Variants in ASXL2 observed in about 807,000 individuals in gnomAD.
ASXL2 encodes the protein ASXL transcriptional regulator 2, also known as putative Polycomb group protein ASXL2.
ASXL2 carries 23 observed loss-of-function variants against 122.0 expected under a neutral mutation model. That is an observed-to-expected ratio of 0.19 (90% CI 0.14 to 0.27). The LOEUF is 0.27. ASXL2 is among the 10% of genes least tolerant of loss of function. The pLI, the probability that ASXL2 is intolerant of heterozygous loss-of-function variation, is 1.00. For synonymous variants in ASXL2, 650 were observed against 637.0 expected (o/e 1.02, Z -0.31); for missense variants, 1,518 against 1,713.8 (o/e 0.89, Z 2.02).
intron 1 of ASXL2, among the ~76,000 whole-genome samples, chr2:25,874,383 G>A (rs1432162812): frequency 6.6e-6 from 1 of 152,148 alleles, no homozygotes; most frequent in African/African-American, 2.4e-5. Context: ...CAGCTACTTG[G>A]GAAGCTGAGC....
Position 25,735,314 on chromosome 2 carries a change from C to A in ASXL2, c.*6715G>T, listed in dbSNP as rs2087717362. Reference sequence around the variant, plus strand: ...TATTAGGAAAACTGAGGACACTCATCCTCCTGGTTCCTGGACAGAGACTAC... The same window carrying A: ...TATTAGGAAAACTGAGGACACTCATACTCCTGGTTCCTGGACAGAGACTAC... On this transcript the variant is annotated 3_prime_UTR_variant, in exon 13 of 13. Transcript: ENST00000435504. 6.6e-6 allele frequency: 1 copy of A among 152,220 alleles called. No individual in the cohort carries two copies. The highest frequency in any genetic ancestry group is 1.5e-5 in the Non-Finnish European group (1 of 68,036). The allele number at this position is 152,220 out of a possible 1,614,324, so 9.4% of individuals were successfully genotyped here. A position where few individuals can be genotyped will look rare whatever the true frequency, so the allele number is the denominator to read the frequency against.
chr2:25,743,139 G>C lies in ASXL2; in HGVS notation c.3198C>G (p.Ile1066Met), dbSNP rs2149136494. The C allele has an allele frequency of 6.2e-7, 1 of 1,614,004 alleles. No homozygotes were observed. Among genetic ancestry groups the C allele is most frequent in the East Asian group, 2.2e-5 (1 of 44,884 alleles). ...EGLSKATQDQ[I>M]LQTLIQRVRR... ...GAACCCTCTGAATGAGAGTCTGAAG[G>C]ATCTGATCTTGGGTTGCTTTACTTA... is the stretch of plus-strand genomic sequence containing the variant. Residue 1066 changes from isoleucine (I) to methionine (M), a missense_variant, in exon 13 of 13, where the codon ATC becomes ATG. By Grantham distance (10) the Ile-to-Met change is conservative. This residue lies in a region of ASXL2 where 831 missense variants were observed against 833.1 expected (regional missense o/e 1.00). Transcript: ENST00000435504.
chr2:25,845,755 T>C (rs1282451857), intron 1 of ASXL2, among the ~76,000 whole-genome samples, 192 bp from the exon 2 acceptor site: 1 of 152,138 alleles, frequency 6.6e-6, no homozygotes, highest in Non-Finnish European at 1.5e-5. Flanking sequence ...TGCAAGCACA[T>C]TAAGATTATC....
At chr2:25,868,043 T>A (rs2089923819) in intron 1 of ASXL2, among the ~76,000 whole-genome samples, 1 of 152,246 alleles carries the variant, frequency 6.6e-6, no homozygotes, top group African/African-American at 2.4e-5. Flanking sequence ...TATCTCACAG[T>A]CTCAAGTGTA....
At chr2:25,825,038 C>G (rs2089360314) in intron 3 of ASXL2, among the ~76,000 whole-genome samples, 1 of 152,150 alleles carries the variant, frequency 6.6e-6, no homozygotes, top group Non-Finnish European at 1.5e-5. Flanking sequence ...CTTGTTTTAC[C>G]AATTCTGAAT....
At chr2:25,753,397 G>GA in intron 11 of ASXL2, 137 bp downstream of exon 11, 1 of 554,490 alleles carries the variant, frequency 1.8e-6, no homozygotes. Context: ...GAATCAGTGA[G>GA]ACAAAAAAAA....
intron 3 of ASXL2, among the ~76,000 whole-genome samples, chr2:25,826,070 C>T (rs1203521250): frequency 1.3e-5 from 2 of 152,150 alleles, no homozygotes; most frequent in East Asian, 3.8e-4. Context: ...TCAAGCATTT[C>T]CAATTATTCA....
intron 10 of ASXL2, among the ~76,000 whole-genome samples, chr2:25,755,583 T>C (rs1354672132): frequency 1.3e-5 from 2 of 152,206 alleles, no homozygotes; most frequent in Non-Finnish European, 2.9e-5. Flanking sequence ...ACTGATTGCT[T>C]TTACTGTTAG....
At chr2:25,761,701 A>T (rs971692243) in intron 8 of ASXL2, among the ~76,000 whole-genome samples, 7 of 151,824 alleles carry the variant, frequency 4.6e-5, no homozygotes, top group Non-Finnish European at 8.8e-5. Flanking sequence ...AAGGAATTTA[A>T]GAACAGCAGT....
rs191831463 is a variant in ASXL2 at position 25,877,737 on chromosome 2, G to C, written c.57+429C>G. 2.2e-3 allele frequency among the ~76,000 whole-genome samples: 331 copies of C among 152,296 alleles called. 8 individuals are homozygous for C. The highest frequency in any genetic ancestry group is 0.015 in the Admixed American group (236 of 15,292). The stretch of plus-strand genomic sequence containing the variant: ...AACGGGTAAATTCTATCCAGCTCCA[G>C]CGCTCCCCTCTCCTTTCCGGGGCTG... On this transcript the variant is annotated intron_variant, in intron 1 of 12. Transcript: ENST00000435504.
At chr2:25,747,632 G>A (rs139372679) in intron 12 of ASXL2, among the ~76,000 whole-genome samples, 7 of 152,324 alleles carry the variant, frequency 4.6e-5, no homozygotes, top group African/African-American at 1.7e-4. Context: ...GTTTACAGGT[G>A]AGAAAATAGA....
chr2:25,861,194 A>G (rs1373818237), intron 1 of ASXL2, among the ~76,000 whole-genome samples: 1 of 152,240 alleles, frequency 6.6e-6, no homozygotes, highest in Non-Finnish European at 1.5e-5. Flanking sequence ...TGCTTCCTGG[A>G]AAGACCAATA....
rs2149134664 is a variant in ASXL2 at position 25,740,402 on chromosome 2, T to A, written c.*1627A>T. ...TGTTCTGCATTTTGTAAATATCACA[T>A]CCTGAATATGAAGGACAAATACAAC... On this transcript the variant is annotated 3_prime_UTR_variant, in exon 13 of 13. Coordinates refer to ENST00000435504, the MANE Select transcript of ASXL2 (RefSeq NM_018263.6). 4.4e-6 allele frequency: 1 copy of A among 226,198 alleles called. No homozygotes were observed. Among genetic ancestry groups the A allele is most frequent in the Non-Finnish European group, 8.8e-6 (1 of 113,698 alleles). The allele number at this position is 226,198 out of a possible 1,614,324, so 14.0% of individuals were successfully genotyped here. A position where few individuals can be genotyped will look rare whatever the true frequency, so the allele number is the denominator to read the frequency against.
intron 1 of ASXL2, among the ~76,000 whole-genome samples, chr2:25,864,707 TA>T (rs2089879501): frequency 6.6e-6 from 1 of 152,126 alleles, no homozygotes. Flanking sequence ...TGTACCAGGT[TA>T]AGTTACAACA....
At chr2:25,811,699 T>C (rs1376958094) in intron 3 of ASXL2, among the ~76,000 whole-genome samples, 3 of 152,188 alleles carry the variant, frequency 2.0e-5, no homozygotes, top group Non-Finnish European at 2.9e-5. Flanking sequence ...AACAGTTTTA[T>C]GCCAATGTCA....
intron 1 of ASXL2, among the ~76,000 whole-genome samples, chr2:25,874,786 T>C (rs893832610): frequency 2.0e-5 from 3 of 152,094 alleles, no homozygotes; most frequent in African/African-American, 7.2e-5. Flanking sequence ...GCCCTTAAAA[T>C]TTAAAACATG....
intron 5 of ASXL2, among the ~76,000 whole-genome samples, chr2:25,783,906 T>C (rs1477642878): frequency 6.6e-6 from 1 of 151,728 alleles, no homozygotes; most frequent in Non-Finnish European, 1.5e-5. Context: ...ATACAAAAAT[T>C]AGTCGGGCGT....
intron 3 of ASXL2, among the ~76,000 whole-genome samples, chr2:25,817,774 A>G (rs2089255867): frequency 6.6e-6 from 1 of 152,344 alleles, no homozygotes; most frequent in East Asian, 1.9e-4. Context: ...ACTTAAAAAG[A>G]CACACTGAAT....
At position 25,855,882 on chromosome 2, in the gene ASXL2, C is replaced by CATGCATTTATTT. The variant is rs1553706137; in HGVS notation, c.58-10320_58-10319insAAATAAATGCAT. Among the ~76,000 whole-genome samples the CATGCATTTATTT allele has an allele frequency of 2.2e-3, 315 of 142,532 alleles. 1 individual carries two copies. The highest frequency in any genetic ancestry group is 7.9e-3 in the African/African-American group (301 of 37,968). The allele number at this position is 142,532 out of a possible 152,430, so 93.5% of individuals were successfully genotyped here. On this transcript the variant is annotated intron_variant, in intron 1 of 12. Transcript: ENST00000435504. ...AGACAGAAACACAATCTTGATAATG[C>CATGCATTTATTT]ATTTATTTATTTATTTATTTATTTA...
Sources: gnomAD v4.1 joint callset for allele counts (sites outside exome capture counted in the v4.1 genomes callset) on GRCh38, gnomAD v4.1.1 for gene constraint, gnomAD v4.1.1 regional missense constraint, MANE v1.5 for transcripts, NCBI Gene and HGNC (gene_info 2026-07-23, HGNC 2026-07-21) for gene names.